PRELID2: variants seen among roughly 807,000 people sequenced by gnomAD.
The protein encoded by PRELID2 is PRELI domain containing 2, also known as PRELI domain-containing protein 2.
In PRELID2, 25 loss-of-function variants were observed where a neutral mutation model predicts 28.4. That is an observed-to-expected ratio of 0.88 (90% CI 0.64 to 1.23). The LOEUF (loss-of-function observed/expected upper bound fraction) is 1.23, where lower values mean the gene tolerates loss of function less well. PRELID2 is among the 50% of genes most tolerant of loss of function. The pLI is 0.00. For synonymous variants in PRELID2, 76 were observed against 71.6 expected, an observed-to-expected ratio of 1.06 and a Z score of -0.31; for missense variants, 201 against 214.4, an observed-to-expected ratio of 0.94 and a Z score of 0.39.
chr5:145,681,755 T>C lies in PRELID2; in HGVS notation n.70+83176A>G, dbSNP rs186677137. Among the ~76,000 whole-genome samples, 450 of 152,256 alleles carry C rather than the reference T, an allele frequency of 3.0e-3. 2 individuals are homozygous for C. Among genetic ancestry groups the C allele is most frequent in the Admixed American group, 6.0e-3 (92 of 15,284 alleles). ...TATCTGGCTTCTGTTTCAACCCCAG[T>C]GTGCCCCAGTAGCAATAGTGCATCC... is the stretch of plus-strand genomic sequence containing the variant. On this transcript the variant is annotated intron_variant and non_coding_transcript_variant, in intron 1 of 2. Coordinates refer to the PRELID2 transcript ENST00000510259.
the PRELID2 span, among the ~76,000 whole-genome samples, chr5:145,460,738 G>A: frequency 6.6e-6 from 1 of 152,168 alleles, no homozygotes; most frequent in African/African-American, 2.4e-5. Flanking sequence ...TCACATAGAA[G>A]TATAACAAGG....
the PRELID2 span, among the ~76,000 whole-genome samples, chr5:145,339,922 G>A: frequency 6.6e-6 from 1 of 152,122 alleles, no homozygotes; most frequent in African/African-American, 2.4e-5. Context: ...ACACATGCAA[G>A]GACAAATCTT....
At chr5:145,373,238 A>G in the PRELID2 span, among the ~76,000 whole-genome samples, 3 of 40,772 alleles carry the variant, frequency 7.4e-5, no homozygotes, top group Admixed American at 7.8e-4. Context: ...CAACATATAT[A>G]ATATATATGA....
At chr5:145,388,837 T>C in the PRELID2 span, among the ~76,000 whole-genome samples, 5 of 152,312 alleles carry the variant, frequency 3.3e-5, no homozygotes, top group Middle Eastern at 6.8e-3. Flanking sequence ...ATTTCTCCCA[T>C]CATTCTCCAT....
chr5:145,794,282 T>G (rs1752590369), intron 5 of PRELID2, among the ~76,000 whole-genome samples: 1 of 152,194 alleles, frequency 6.6e-6, no homozygotes, highest in African/African-American at 2.4e-5. Context: ...TTCTGAAGGC[T>G]GCCAGCCTCA....
chr5:145,574,328 G>A (rs191623938), intron 1 of PRELID2, among the ~76,000 whole-genome samples: 35 of 152,306 alleles, frequency 2.3e-4, no homozygotes, highest in African/African-American at 8.4e-4. Flanking sequence ...TTAGTTCAGC[G>A]AGATCCATGT....
the PRELID2 span, among the ~76,000 whole-genome samples, chr5:145,451,617 C>A: frequency 2.6e-5 from 4 of 152,210 alleles, no homozygotes; most frequent in East Asian, 1.9e-4. Context: ...TTTGATTAAT[C>A]CCCCTTCTTT....
chr5:145,579,092 G>A (rs550853305), intron 1 of PRELID2, among the ~76,000 whole-genome samples: 1 of 152,124 alleles, frequency 6.6e-6, no homozygotes, highest in East Asian at 1.9e-4. Context: ...TGTAAAATAG[G>A]AGAATACTCT....
the PRELID2 span, among the ~76,000 whole-genome samples, chr5:145,363,312 T>C: frequency 2.0e-5 from 3 of 152,062 alleles, no homozygotes; most frequent in African/African-American, 7.2e-5. Context: ...TGTATTAGTA[T>C]CCAAATTAGG....
At chr5:145,473,042 T>C (rs419210) in intron 2 of PRELID2, among the ~76,000 whole-genome samples, 103,445 of 152,090 alleles carry the variant, frequency 0.68, 35,766 homozygotes, top group Non-Finnish European at 0.71. Flanking sequence ...TTGTGAAATT[T>C]AAATTTCTTT....
intron 5 of PRELID2, among the ~76,000 whole-genome samples, chr5:145,778,570 T>C (rs1003338205): frequency 3.9e-5 from 6 of 152,182 alleles, no homozygotes; most frequent in Admixed American, 2.6e-4. Flanking sequence ...CAGTACCAAC[T>C]GGGGAAGCTG....
the PRELID2 span, among the ~76,000 whole-genome samples, chr5:145,328,744 C>A: frequency 1.3e-5 from 2 of 152,010 alleles, no homozygotes; most frequent in Non-Finnish European, 2.9e-5. Context: ...ACTCCAATGA[C>A]AGTTTCTTTT....
intron 1 of PRELID2, among the ~76,000 whole-genome samples, chr5:145,702,157 T>G (rs1472094717): frequency 1.3e-5 from 2 of 152,288 alleles, no homozygotes; most frequent in East Asian, 1.9e-4. Flanking sequence ...GCTTAAGTAT[T>G]TTTAATGCCA....
In PRELID2 at chr5:145,641,431, A is replaced by T. The variant is rs577810018; in HGVS notation, n.70+123500T>A. Among the ~76,000 whole-genome samples the T allele has an allele frequency of 3.7e-4, 56 of 152,368 alleles. 1 individual carries two copies. The highest frequency in any genetic ancestry group is 1.6e-3 in the Admixed American group (24 of 15,312). The stretch of plus-strand genomic sequence containing the variant: ...GAAACACGAAAGTTAAAACAACAAG[A>T]TGCCATTTCGCAAACACTAATGACA... On this transcript the variant is annotated intron_variant and non_coding_transcript_variant, in intron 1 of 2. Transcript: ENST00000510259.
chr5:145,422,963 T>G, the PRELID2 span, among the ~76,000 whole-genome samples: 9 of 151,018 alleles, frequency 6.0e-5, no homozygotes, highest in Non-Finnish European at 1.3e-4. Context: ...TTTGCTTGTC[T>G]GTAAAGTATT....
chr5:145,413,404 A>C, the PRELID2 span, among the ~76,000 whole-genome samples: 1 of 152,188 alleles, frequency 6.6e-6, no homozygotes, highest in African/African-American at 2.4e-5. Context: ...AGTACAACCA[A>C]TATGGAAAAC....
At chr5:145,513,048 C>T (rs182891420) in intron 1 of PRELID2, among the ~76,000 whole-genome samples, 142 of 152,106 alleles carry the variant, frequency 9.3e-4, no homozygotes, top group African/African-American at 3.2e-3. Context: ...CTCAGAAAGG[C>T]CAAAAGTTCC....
chr5:145,343,330 A>G, the PRELID2 span, among the ~76,000 whole-genome samples: 1 of 152,026 alleles, frequency 6.6e-6, no homozygotes, highest in Admixed American at 6.6e-5. Flanking sequence ...GTATTTTCTC[A>G]GAACACAATG....
At chr5:145,344,095 C>T in the PRELID2 span, among the ~76,000 whole-genome samples, 1 of 151,942 alleles carries the variant, frequency 6.6e-6, no homozygotes, top group Non-Finnish European at 1.5e-5. Flanking sequence ...AGAACTAATA[C>T]CAAATCTCCT....
Sources: gnomAD v4.1 joint callset for allele counts (sites outside exome capture counted in the v4.1 genomes callset) on GRCh38, gnomAD v4.1.1 for gene constraint, MANE v1.5 for transcripts, NCBI Gene and HGNC (gene_info 2026-07-23, HGNC 2026-07-21) for gene names.